Variants in HIVEP3 observed in about 807,000 individuals in gnomAD.
The protein encoded by HIVEP3 is HIVEP zinc finger 3.
HIVEP3 carries 49 observed loss-of-function variants against 152.8 expected under a neutral mutation model. The ratio of observed to expected loss-of-function variants is 0.32; its 90% CI spans 0.26 to 0.41. HIVEP3 has a LOEUF of 0.41. Among genes scored for constraint, HIVEP3 ranks in the 10% least tolerant of loss-of-function variants. HIVEP3 has a pLI of 1.00. For synonymous variants in HIVEP3, 1,269 were observed against 1,289.0 expected (o/e 0.98, Z 0.33); for missense variants, 2,790 against 3,103.3 (o/e 0.90, Z 2.40).
At chr1:41,912,275 A>C (rs1644808507) in intron 1 of HIVEP3, among the ~76,000 whole-genome samples, 1 of 152,218 alleles carries the variant, frequency 6.6e-6, no homozygotes, top group Non-Finnish European at 1.5e-5. Context: ...TGGTGAGTAC[A>C]TAAGTGTTAG....
In HIVEP3 at chr1:41,720,382, A is replaced by T. The variant is rs75338910; in HGVS notation, c.-800-19387T>A. ...TTTACTCCATTTGGACACATCGGGA[A>T]TAGCCTTGGGTCTGTCTAGAAAGAG... On this transcript the variant is annotated intron_variant, in intron 1 of 8. Coordinates refer to ENST00000372583, the MANE Select transcript of HIVEP3 (RefSeq NM_024503.5). 4.8e-3 allele frequency among the ~76,000 whole-genome samples: 735 copies of T among 152,366 alleles called. 6 individuals are homozygous for T. The highest frequency in any genetic ancestry group is 0.017 in the African/African-American group (691 of 41,580).
intron 2 of HIVEP3, among the ~76,000 whole-genome samples, chr1:41,638,256 G>GAGAAATAAAGAA (rs1645309207): frequency 8.3e-6 from 1 of 120,884 alleles, no homozygotes; most frequent in African/African-American, 3.5e-5. Context: ...AAGAAAGAGA[G>GAGAAATAAAGAA]AGAAAGAAAG....
chr1:41,579,742 T>C lies in HIVEP3; in HGVS notation c.5056A>G (p.Thr1686Ala). 1 of 1,573,740 alleles carries C rather than the reference T, an allele frequency of 6.4e-7. No individual in the cohort carries two copies. Among genetic ancestry groups the C allele is most frequent in the African/African-American group, 1.4e-5 (1 of 73,998 alleles). ...AAAAACAAGGCTGAACTTACCTCTG[T>C]CATGCGGGGCTTGCGGGAGCTGGAT... ...VPSSSRKPRMTEVHLPSLVSP... is the reference protein window; with the variant it reads ...VPSSSRKPRMAEVHLPSLVSP... The change falls in exon 4 of 9, where the codon ACA becomes GCA. Residue 1686 changes from threonine to alanine, a missense_variant. By Grantham distance (58) the Thr-to-Ala change is moderately conservative. Transcript: ENST00000372583.
At chr1:41,693,555 T>C (rs1191009101) in intron 2 of HIVEP3, among the ~76,000 whole-genome samples, 1 of 152,232 alleles carries the variant, frequency 6.6e-6, no homozygotes, top group African/African-American at 2.4e-5. Flanking sequence ...GTATTAGTGC[T>C]GCTAACCTTT....
chr1:41,685,554 C>A (rs1012390949), intron 2 of HIVEP3, among the ~76,000 whole-genome samples: 3 of 152,220 alleles, frequency 2.0e-5, no homozygotes, highest in African/African-American at 7.2e-5. Context: ...GTGGGCCATG[C>A]TGCTTTGCCC....
intron 1 of HIVEP3, among the ~76,000 whole-genome samples, chr1:41,975,468 T>C (rs1645254218): frequency 6.6e-6 from 1 of 152,252 alleles, no homozygotes; most frequent in Non-Finnish European, 1.5e-5. Context: ...CTTCAGGAGA[T>C]ATTGATTGAA....
intron 5 of HIVEP3, chr1:41,543,096 T>A (rs1643572059): frequency 1.3e-5 from 2 of 152,324 alleles, no homozygotes; most frequent in South Asian, 4.1e-4. Context: ...GATCTGTAAG[T>A]AGCCCCTCAC....
intron 1 of HIVEP3, among the ~76,000 whole-genome samples, chr1:41,734,498 A>C (rs1646887681): frequency 6.6e-6 from 1 of 152,220 alleles, no homozygotes; most frequent in Non-Finnish European, 1.5e-5. Context: ...GCCACTAAGC[A>C]TTTCACTGAC....
intron 1 of HIVEP3, among the ~76,000 whole-genome samples, chr1:41,767,438 G>C (rs954629770): frequency 2.0e-5 from 3 of 152,178 alleles, no homozygotes; most frequent in Non-Finnish European, 4.4e-5. Flanking sequence ...GCAGAGGTGT[G>C]GTTGACCTGT....
intron 5 of HIVEP3, among the ~76,000 whole-genome samples, chr1:41,525,737 T>C (rs1048333077): frequency 1.3e-5 from 2 of 152,208 alleles, no homozygotes; most frequent in Admixed American, 6.5e-5. Flanking sequence ...AATGCTCTTA[T>C]TTCCACTTAG....
Position 41,584,919 on chromosome 1 carries a change from C to A in HIVEP3, c.-122G>T. 1 of 951,150 alleles carries A rather than the reference C, an allele frequency of 1.1e-6. No homozygotes were observed. The allele number at this position is 951,150 out of a possible 1,614,324, so 58.9% of individuals were successfully genotyped here. ...CACATTGGTCAAGAGCTGTGGGAGC[C>A]AAACCCAAGACGGCTTTGGGAGTTT... On this transcript the variant is annotated 5_prime_UTR_variant, in exon 4 of 9. Transcript: ENST00000372583. The surrounding 1 kb of genome is among the most constrained non-coding windows in gnomAD (Gnocchi z 5.2).
At chr1:41,524,682 A>G (rs1642849682) in intron 6 of HIVEP3, 53 bp downstream of exon 6, 12 of 1,535,022 alleles carry the variant, frequency 7.8e-6, no homozygotes, top group Non-Finnish European at 9.9e-6. Context: ...GGACTCCCAG[A>G]GGGGAGCTCC....
intron 1 of HIVEP3, among the ~76,000 whole-genome samples, chr1:41,705,644 G>A (rs1340319331): frequency 6.6e-6 from 1 of 152,204 alleles, no homozygotes; most frequent in Non-Finnish European, 1.5e-5. Context: ...CGCTCACAGG[G>A]TGTGAGGAAA....
At chr1:41,817,815 A>T (rs1008397417) in intron 1 of HIVEP3, among the ~76,000 whole-genome samples, 5 of 152,196 alleles carry the variant, frequency 3.3e-5, no homozygotes, top group Admixed American at 3.3e-4. Flanking sequence ...CTGGAGATGC[A>T]CTACTCCCTC....
chr1:41,711,278 C>T (rs1316755189), intron 1 of HIVEP3, among the ~76,000 whole-genome samples: 8 of 152,206 alleles, frequency 5.3e-5, no homozygotes, highest in Non-Finnish European at 5.9e-5. Flanking sequence ...AGGAAGAGGC[C>T]AGAAATCAAG....
intron 1 of HIVEP3, among the ~76,000 whole-genome samples, chr1:41,937,793 A>G (rs1645027047): frequency 6.6e-6 from 1 of 152,190 alleles, no homozygotes; most frequent in Non-Finnish European, 1.5e-5. Flanking sequence ...TTCTGATTGG[A>G]CATTCTAGCA....
Position 41,508,961 on chromosome 1 carries a change from T to C in HIVEP3, c.*1490A>G, listed in dbSNP as rs1441839895. The C allele has an allele frequency of 6.6e-6, 1 of 152,258 alleles. No individual in the cohort carries two copies. Among genetic ancestry groups the C allele is most frequent in the African/African-American group, 2.4e-5 (1 of 41,456 alleles). 9.4% of individuals were successfully genotyped at this position (152,258 alleles called of 1,614,324 possible). ...CTGGGAAAAAGCTCACCTCTCCCAG[T>C]TGGGGCGAACACGCTAGAGTTCAAG... On this transcript the variant is annotated 3_prime_UTR_variant, in exon 9 of 9. Transcript: ENST00000372583.
At chr1:41,864,707 TGAATG>T (rs1380595712) in intron 1 of HIVEP3, 1 of 152,226 alleles carries the variant, frequency 6.6e-6, no homozygotes, top group African/African-American at 2.4e-5. Context: ...GTGACACAGC[TGAATG>T]GTAGCAGGCC....
intron 2 of HIVEP3, among the ~76,000 whole-genome samples, chr1:41,654,864 C>T (rs1645606156): frequency 6.6e-6 from 1 of 152,248 alleles, no homozygotes; most frequent in East Asian, 1.9e-4. Context: ...TTTGAGTGTC[C>T]ATTCTGCCCC....
Sources: gnomAD v4.1 joint callset for allele counts (sites outside exome capture counted in the v4.1 genomes callset) on GRCh38, gnomAD v4.1.1 for gene constraint, Gnocchi (gnomAD v3.1) non-coding constraint, MANE v1.5 for transcripts, NCBI Gene and HGNC (gene_info 2026-07-23, HGNC 2026-07-21) for gene names.